The following NAV2 variants were observed in gnomAD, a reference collection of about 807,000 sequenced individuals.
The protein encoded by NAV2 is neuron navigator 2.
In NAV2, 54 loss-of-function variants were observed where a neutral mutation model predicts 223.2. The observed-to-expected ratio is 0.24, with a 90% CI of 0.19 to 0.30. The LOEUF is 0.30. Among genes scored for constraint, NAV2 ranks in the 10% least tolerant of loss-of-function variants. NAV2 has a pLI of 1.00. For synonymous variants in NAV2, 1,279 were observed against 1,239.3 expected (o/e 1.03, Z -0.67); for missense variants, 2,806 against 3,147.5 (o/e 0.89, Z 2.60).
chr11:19,919,367 T>G (rs1316219410), intron 6 of NAV2, among the ~76,000 whole-genome samples: 5 of 151,698 alleles, frequency 3.3e-5, no homozygotes, highest in Non-Finnish European at 7.4e-5. Flanking sequence ...TCTTTGAGCC[T>G]TAAGGAAACA....
At chr11:20,043,742 A>G (rs1042564054) in intron 12 of NAV2, 17 of 465,944 alleles carry the variant, frequency 3.6e-5, no homozygotes, top group South Asian at 2.1e-4. Context: ...GTGCCCAGCC[A>G]TCTCGTTCCA....
intron 1 of NAV2, among the ~76,000 whole-genome samples, chr11:19,738,760 G>A (rs1463374018): frequency 6.6e-6 from 1 of 152,206 alleles, no homozygotes; most frequent in Non-Finnish European, 1.5e-5. Flanking sequence ...CAGCAGAGAT[G>A]AAAGGTAAGG....
At chr11:19,525,535 G>A (rs1229041929) in intron 1 of NAV2, among the ~76,000 whole-genome samples, 1 of 152,176 alleles carries the variant, frequency 6.6e-6, no homozygotes, top group Admixed American at 6.5e-5. Context: ...AAGTCTGTGT[G>A]CCCAGGGAGC....
At chr11:20,038,119 A>G (rs908638573) in intron 12 of NAV2, among the ~76,000 whole-genome samples, 1 of 152,212 alleles carries the variant, frequency 6.6e-6, no homozygotes, top group Non-Finnish European at 1.5e-5. Flanking sequence ...CAAAGCTGGA[A>G]TTGAAATCTC....
At chr11:19,915,734 G>A (rs2043746535) in intron 6 of NAV2, among the ~76,000 whole-genome samples, 1 of 152,170 alleles carries the variant, frequency 6.6e-6, no homozygotes, top group Admixed American at 6.5e-5. Context: ...GTCCTCCCCA[G>A]GTTCCGTGGT....
chr11:19,556,888 C>T (rs1220874442), intron 1 of NAV2, among the ~76,000 whole-genome samples: 1 of 152,132 alleles, frequency 6.6e-6, no homozygotes, highest in African/African-American at 2.4e-5. Context: ...ATAAAAACGT[C>T]ATTTTTCCTA....
At chr11:19,786,856 A>G (rs2057153529) in intron 1 of NAV2, among the ~76,000 whole-genome samples, 1 of 152,144 alleles carries the variant, frequency 6.6e-6, no homozygotes, top group Non-Finnish European at 1.5e-5. Flanking sequence ...TGGGTGTGGT[A>G]GCGTGCACCT....
chr11:19,802,742 T>A (rs866870358), intron 1 of NAV2, among the ~76,000 whole-genome samples: 74 of 150,220 alleles, frequency 4.9e-4, no homozygotes, highest in African/African-American at 1.7e-3. Context: ...TACACCAATG[T>A]TTTTTCATCC....
At chr11:19,435,464 C>G (rs1590199285) in intron 1 of NAV2, among the ~76,000 whole-genome samples, 2 of 152,212 alleles carry the variant, frequency 1.3e-5, no homozygotes, top group Non-Finnish European at 2.9e-5. Flanking sequence ...CATTTAAAAA[C>G]TCTATTCATC....
intron 20 of NAV2, 45 bp downstream of exon 20, chr11:20,062,404 G>A (rs894836712): frequency 1.4e-6 from 2 of 1,458,256 alleles, no homozygotes; most frequent in Non-Finnish European, 1.9e-6. Flanking sequence ...TGAGAACTGG[G>A]GTTCCTTTAT....
chr11:20,006,272 G>A (rs2053062020), intron 11 of NAV2, among the ~76,000 whole-genome samples: 2 of 152,124 alleles, frequency 1.3e-5, no homozygotes, highest in Admixed American at 1.3e-4. Flanking sequence ...GGAGATAAGG[G>A]CCTCCTTGGA....
intron 16 of NAV2, 78 bp from the exon 17 acceptor site, chr11:20,051,211 T>C (rs2057972552): frequency 1.6e-6 from 2 of 1,244,374 alleles, no homozygotes; most frequent in South Asian, 2.4e-5. Context: ...GGCCCTTCAG[T>C]CCCCTCCCTA....
intron 32 of NAV2, among the ~76,000 whole-genome samples, 198 bp downstream of exon 32, chr11:20,101,370 G>T (rs1182327481): frequency 8.5e-5 from 13 of 152,168 alleles, no homozygotes; most frequent in African/African-American, 3.1e-4. Flanking sequence ...CATTTATGAT[G>T]CTCAGTGCTG....
intron 1 of NAV2, among the ~76,000 whole-genome samples, chr11:19,420,050 C>T (rs1481481861): frequency 6.6e-6 from 1 of 152,148 alleles, no homozygotes; most frequent in East Asian, 1.9e-4. Context: ...CTGAGTCAGT[C>T]TACTACGCCC....
chr11:20,057,982 A>G (rs573905379), intron 19 of NAV2, among the ~76,000 whole-genome samples: 1 of 152,334 alleles, frequency 6.6e-6, no homozygotes, highest in South Asian at 2.1e-4. Context: ...AGGGGAATGG[A>G]TAGGGACCGC....
intron 1 of NAV2, among the ~76,000 whole-genome samples, chr11:19,812,811 C>T (rs1229446586): frequency 6.6e-6 from 1 of 152,090 alleles, no homozygotes; most frequent in Non-Finnish European, 1.5e-5. Context: ...TTTTCCATCG[C>T]CTTTCTATAG....
chr11:20,075,410 TTTTTG>T (rs2059672958), intron 22 of NAV2, among the ~76,000 whole-genome samples: 4 of 136,916 alleles, frequency 2.9e-5, no homozygotes, highest in Non-Finnish European at 6.3e-5. Flanking sequence ...TGTTTGTTTG[TTTTTG>T]TATTTTTAGT....
Position 20,068,100 on chromosome 11 carries a change from C to T in NAV2, c.4885-86C>T, listed in dbSNP as rs148347635. On this transcript the variant is annotated intron_variant, in intron 20 of 37. Coordinates refer to ENST00000349880, the MANE Select transcript of NAV2 (RefSeq NM_145117.5). ...AATAATTCTTCCAGACTGCTGCAAC[C>T]ATCTGAATATGGTGTTCCCGATGGG... is the stretch of plus-strand genomic sequence containing the variant. 392 of 1,176,106 alleles carry T rather than the reference C, an allele frequency of 3.3e-4. 2 individuals carry two copies. The African/African-American group carries it at 4.5e-3, about 13-fold the overall frequency. 72.9% of individuals were successfully genotyped at this position (1,176,106 alleles called of 1,614,324 possible).
chr11:19,894,387 CG>C, intron 6 of NAV2, among the ~76,000 whole-genome samples: 1 of 152,268 alleles, frequency 6.6e-6, no homozygotes, highest in Non-Finnish European at 1.5e-5. Context: ...CCTCTCCTCG[CG>C]GGCCAGTCTG....
Sources: gnomAD v4.1 joint callset for allele counts (sites outside exome capture counted in the v4.1 genomes callset) on GRCh38, gnomAD v4.1.1 for gene constraint, MANE v1.5 for transcripts, NCBI Gene and HGNC (gene_info 2026-07-23, HGNC 2026-07-21) for gene names.